ZNF536: variants seen among roughly 807,000 people sequenced by gnomAD.
ZNF536 encodes zinc finger protein 536.
Under a neutral mutation model 84.5 loss-of-function variants are expected in ZNF536, and 13 were observed. The observed-to-expected ratio is 0.15, with a 90% CI of 0.10 to 0.24. The LOEUF (loss-of-function observed/expected upper bound fraction) is 0.24. Among genes scored for constraint, ZNF536 ranks in the 10% least tolerant of loss-of-function variants. The pLI is 1.00. For missense variants in ZNF536, 1,536 were observed against 1,747.5 expected, an observed-to-expected ratio of 0.88 and a Z score of 2.16; for synonymous variants, 811 against 742.5, an observed-to-expected ratio of 1.09 and a Z score of -1.50.
intron 1 of ZNF536, among the ~76,000 whole-genome samples, chr19:30,269,961 T>C (rs951263960): frequency 2.6e-5 from 4 of 152,210 alleles, no homozygotes; most frequent in African/African-American, 9.6e-5. Context: ...TTGGTTGTGA[T>C]CACCTTTATA....
chr19:30,480,410 G>C (rs981104475), intron 2 of ZNF536, among the ~76,000 whole-genome samples: 3 of 152,088 alleles, frequency 2.0e-5, no homozygotes, highest in African/African-American at 7.2e-5. Flanking sequence ...CTTTTAAAAA[G>C]GGTTTTTTAC....
At chr19:30,396,767 G>T (rs1320655917) in intron 1 of ZNF536, among the ~76,000 whole-genome samples, 2 of 152,036 alleles carry the variant, frequency 1.3e-5, no homozygotes, top group Non-Finnish European at 2.9e-5. Context: ...ACCATGCCTG[G>T]CTAATTTTTG....
rs539459491 is a variant in ZNF536, at chr19:30,301,350, CA to C, written c.-120+17213del. On this transcript the variant is annotated intron_variant, in intron 2 of 5. Transcript: ENST00000585628. ...CTCTGAGCCTCAGTTATTCTGTCTG[CA>C]AAATGGGGTAGCGGCGATGCGGACG... Among the ~76,000 whole-genome samples the C allele has an allele frequency of 4.2e-4, 64 of 152,316 alleles. No individual in the cohort carries two copies. In the East Asian group the frequency reaches 0.012, roughly 28 times the overall value.
At chr19:30,658,027 C>CTT (rs2049979582) in intron 1 of ZNF536, among the ~76,000 whole-genome samples, 1 of 151,118 alleles carries the variant, frequency 6.6e-6, no homozygotes. Flanking sequence ...TTCCCCCCCC[C>CTT]CTTTTTTTTC....
intron 2 of ZNF536, among the ~76,000 whole-genome samples, chr19:30,466,776 G>A (rs1242262310): frequency 6.3e-5 from 9 of 142,948 alleles, no homozygotes; most frequent in African/African-American, 1.6e-4. Context: ...AAGGAAGGAA[G>A]GAAGGAAGGA....
chr19:30,484,993 A>C (rs2054244980), intron 2 of ZNF536, among the ~76,000 whole-genome samples: 1 of 151,744 alleles, frequency 6.6e-6, no homozygotes, highest in African/African-American at 2.4e-5. Flanking sequence ...AAATACAAAA[A>C]ATTAGTCGGG....
chr19:30,372,705 C>A (rs965017273), intron 1 of ZNF536, 149 bp downstream of exon 1: 3 of 152,054 alleles, frequency 2.0e-5, no homozygotes, highest in Non-Finnish European at 2.9e-5. Flanking sequence ...GAAGTACACA[C>A]CCTTTTGCAA....
At chr19:30,423,686 G>C (rs10404565) in intron 1 of ZNF536, among the ~76,000 whole-genome samples, 91,738 of 152,156 alleles carry the variant, frequency 0.6, 28,613 homozygotes, top group African/African-American at 0.69. Flanking sequence ...TCTGCTCAAT[G>C]TGTCCCCAGC....
intron 2 of ZNF536, among the ~76,000 whole-genome samples, chr19:30,340,275 C>A (rs2047523561): frequency 6.6e-6 from 1 of 152,190 alleles, no homozygotes; most frequent in Admixed American, 6.5e-5. Context: ...GTCACACTGG[C>A]TGTCATTCCT....
chr19:30,698,617 C>G (rs1046148703), intron 1 of ZNF536, among the ~76,000 whole-genome samples: 3 of 152,138 alleles, frequency 2.0e-5, no homozygotes, highest in Admixed American at 2.0e-4. Flanking sequence ...CCCTCAGTTG[C>G]AATTTCTCAT....
At chr19:30,447,933 C>T (rs897551237) in intron 2 of ZNF536, among the ~76,000 whole-genome samples, 3 of 152,126 alleles carry the variant, frequency 2.0e-5, no homozygotes, top group East Asian at 3.8e-4. Context: ...ACGTGTTTAC[C>T]GTGTTTTTCT....
At chr19:30,569,086 C>A (rs912210547) in intron 1 of ZNF536, among the ~76,000 whole-genome samples, 1 of 152,208 alleles carries the variant, frequency 6.6e-6, no homozygotes, top group African/African-American at 2.4e-5. Flanking sequence ...AGAGAGGACA[C>A]ACCACATATC....
chr19:30,515,465 A>C (rs1231490117), intron 2 of ZNF536, among the ~76,000 whole-genome samples: 1 of 152,170 alleles, frequency 6.6e-6, no homozygotes, highest in Non-Finnish European at 1.5e-5. Flanking sequence ...TCCCTGGTGC[A>C]TGTGAAGCGC....
intron 1 of ZNF536, among the ~76,000 whole-genome samples, chr19:30,637,527 C>T (rs543678676): frequency 6.6e-6 from 1 of 152,346 alleles, no homozygotes; most frequent in African/African-American, 2.4e-5. Context: ...AGGTTGAGGA[C>T]ACTTGTTGGC....
At chr19:30,554,713 T>C (rs1030009588) in intron 4 of ZNF536, 1 of 152,148 alleles carries the variant, frequency 6.6e-6, no homozygotes, top group African/African-American at 2.4e-5. Context: ...CCATAGACAA[T>C]AGGAAAATGA....
At chr19:30,410,694 G>A (rs1056878955) in intron 1 of ZNF536, among the ~76,000 whole-genome samples, 2 of 151,920 alleles carry the variant, frequency 1.3e-5, no homozygotes, top group Admixed American at 6.6e-5. Flanking sequence ...TAGCCAGGAT[G>A]GTCTCGATCT....
intron 1 of ZNF536, among the ~76,000 whole-genome samples, chr19:30,271,604 C>T (rs1483762361): frequency 6.6e-6 from 1 of 152,154 alleles, no homozygotes; most frequent in Non-Finnish European, 1.5e-5. Context: ...TTCCTAGCAG[C>T]CTCCACGTTC....
intron 1 of ZNF536, among the ~76,000 whole-genome samples, chr19:30,570,452 C>T (rs1242086266): frequency 6.6e-6 from 1 of 152,150 alleles, no homozygotes; most frequent in African/African-American, 2.4e-5. Context: ...TGATAGCAAG[C>T]CCACGTTGTT....
chr19:30,552,311 A>G (rs2045814214), intron 4 of ZNF536, among the ~76,000 whole-genome samples: 1 of 152,176 alleles, frequency 6.6e-6, no homozygotes, highest in Non-Finnish European at 1.5e-5. Flanking sequence ...CTCATCTCAG[A>G]TGGATAAAGT....
Sources: gnomAD v4.1 joint callset for allele counts (sites outside exome capture counted in the v4.1 genomes callset) on GRCh38, gnomAD v4.1.1 for gene constraint, MANE v1.5 for transcripts, NCBI Gene and HGNC (gene_info 2026-07-23, HGNC 2026-07-21) for gene names.